Variants in HAUS6 observed in about 807,000 individuals in gnomAD.
HAUS6 encodes HAUS augmin like complex subunit 6.
HAUS6 carries 80 observed loss-of-function variants against 106.8 expected under a neutral mutation model. The observed-to-expected ratio is 0.75, with a 90% CI of 0.63 to 0.90. The LOEUF (loss-of-function observed/expected upper bound fraction) is 0.90. HAUS6 is among the 40% of genes least tolerant of loss of function. The pLI is 0.00. For synonymous variants in HAUS6, 356 were observed against 379.1 expected (o/e 0.94, Z 0.71); for missense variants, 1,155 against 1,118.1 (o/e 1.03, Z -0.47).
intron 5 of HAUS6, among the ~76,000 whole-genome samples, chr9:19,087,555 A>G (rs1837326522): frequency 6.6e-6 from 1 of 152,174 alleles, no homozygotes; most frequent in African/African-American, 2.4e-5. Context: ...ACTGTTTACA[A>G]TTGCAAAAAA....
At chr9:19,083,984 C>T (rs942172277) in intron 7 of HAUS6, among the ~76,000 whole-genome samples, 1 of 149,036 alleles carries the variant, frequency 6.7e-6, no homozygotes, top group African/African-American at 2.5e-5. Context: ...CGCACAGTGG[C>T]GCATACCTGT....
chr9:19,091,376 T>C (rs900021562), intron 4 of HAUS6, among the ~76,000 whole-genome samples: 20 of 152,076 alleles, frequency 1.3e-4, no homozygotes, highest in African/African-American at 4.8e-4. Context: ...AGAAGTTATC[T>C]AGACTCTGAA....
At chr9:19,089,302 G>A in intron 5 of HAUS6, 110 bp downstream of exon 5, 1 of 679,386 alleles carries the variant, frequency 1.5e-6, no homozygotes, top group African/African-American at 1.8e-5. Flanking sequence ...AAAATAGAAA[G>A]ATAACCGCCA....
chr9:19,076,447 G>T (rs1837005916), intron 11 of HAUS6, among the ~76,000 whole-genome samples, 155 bp downstream of exon 11: 1 of 151,998 alleles, frequency 6.6e-6, no homozygotes, highest in Non-Finnish European at 1.5e-5. Context: ...TATATACTTT[G>T]CAATAACTGA....
intron 1 of HAUS6, among the ~76,000 whole-genome samples, chr9:19,101,058 T>C (rs1337034559): frequency 1.3e-5 from 2 of 152,214 alleles, no homozygotes; most frequent in African/African-American, 2.4e-5. Flanking sequence ...AAATAATTTA[T>C]TGTGTATTTT....
At chr9:19,062,150 TA>T (rs1836638216) in intron 14 of HAUS6, among the ~76,000 whole-genome samples, 3 of 152,192 alleles carry the variant, frequency 2.0e-5, no homozygotes, top group Admixed American at 2.0e-4. Flanking sequence ...CACTTACCAG[TA>T]AAAAGCAGAA....
At chr9:19,102,413 G>A (rs574066361) in intron 1 of HAUS6, 111 bp downstream of exon 1, 1 of 1,203,514 alleles carries the variant, frequency 8.3e-7, no homozygotes, top group Non-Finnish European at 1.2e-6. Context: ...CTGGCACAGA[G>A]TAACTGCTCA....
At chr9:19,074,276 G>A (rs545037204) in intron 11 of HAUS6, among the ~76,000 whole-genome samples, 24 of 152,162 alleles carry the variant, frequency 1.6e-4, no homozygotes, top group Admixed American at 1.4e-3. Flanking sequence ...AAGAAAAAGA[G>A]AAAGAAGAGA....
At position 19,061,011 on chromosome 9, in the gene HAUS6, A is replaced by T. The variant is rs1836603820; in HGVS notation, c.1630-788T>A. On this transcript the variant is annotated intron_variant, in intron 14 of 16. Coordinates refer to ENST00000380502, the MANE Select transcript of HAUS6 (RefSeq NM_017645.5). ...GAAACCCCATCTCTACTAAAAATAC[A>T]AAATTAGCTGGGCATGGTGGCGCAT... Among the ~76,000 whole-genome samples the T allele has an allele frequency of 2.0e-5, 3 of 152,194 alleles. No homozygotes were observed. The East Asian group carries it at 5.8e-4, about 29-fold the overall frequency.
At chr9:19,063,474 G>T in intron 13 of HAUS6, 40 bp downstream of exon 13, 1 of 959,856 alleles carries the variant, frequency 1.0e-6, no homozygotes, top group Non-Finnish European at 1.6e-6. Flanking sequence ...TTATAATTTA[G>T]TATGGTCCAG....
rs1817871473 is a variant in HAUS6 at position 19,096,658 on chromosome 9, A to AATTAT, written c.224+11_224+15dup. 1 of 1,132,920 alleles carries AATTAT rather than the reference A, an allele frequency of 8.8e-7. No homozygotes were observed. Among genetic ancestry groups the AATTAT allele is most frequent in the African/African-American group, 1.6e-5 (1 of 62,282 alleles). The allele number at this position is 1,132,920 out of a possible 1,614,324, so 70.2% of individuals were successfully genotyped here. On this transcript the variant is annotated intron_variant, in intron 2 of 16. Coordinates refer to ENST00000380502, the MANE Select transcript of HAUS6 (RefSeq NM_017645.5). The stretch of plus-strand genomic sequence containing the variant: ...TTTGGAAAGAAATTTAAGAAAATGA[A>AATTAT]ATTATTTTTCCTTACTTGAAAACTT...
intron 2 of HAUS6, 21 bp from the exon 3 acceptor site, chr9:19,094,416 C>G: frequency 6.9e-7 from 1 of 1,454,546 alleles, no homozygotes; most frequent in Non-Finnish European, 9.6e-7. Flanking sequence ...AAAATAAAAG[C>G]GTAAGGACTA....
chr9:19,072,468 G>A (rs1251100186), intron 11 of HAUS6, among the ~76,000 whole-genome samples: 3 of 151,492 alleles, frequency 2.0e-5, no homozygotes, highest in African/African-American at 7.3e-5. Context: ...AGCTGAGATT[G>A]TGCCACTACA....
chr9:19,089,973 C>T (rs910904234), intron 4 of HAUS6, among the ~76,000 whole-genome samples: 7 of 152,044 alleles, frequency 4.6e-5, no homozygotes, highest in Admixed American at 2.6e-4. Flanking sequence ...GCTGAGACTA[C>T]AAGCACGCAC....
In HAUS6 at chr9:19,075,713, G is replaced by A. The variant is rs576500009; in HGVS notation, c.1294+889C>T. Among the ~76,000 whole-genome samples, 6 of 152,268 alleles carry A rather than the reference G, an allele frequency of 3.9e-5. No individual in the cohort carries two copies. The East Asian group carries it at 1.2e-3, about 29-fold the overall frequency. ...TCACACCTATAATCCCAGCACTTTG[G>A]GAGGCCAAGGCGGGCGGATCATTCG... On this transcript the variant is annotated intron_variant, in intron 11 of 16. Coordinates refer to ENST00000380502, the MANE Select transcript of HAUS6 (RefSeq NM_017645.5).
At chr9:19,068,962 G>A (rs1044733711) in intron 12 of HAUS6, among the ~76,000 whole-genome samples, 3 of 152,102 alleles carry the variant, frequency 2.0e-5, no homozygotes, top group Non-Finnish European at 4.4e-5. Flanking sequence ...AAATCTGGTG[G>A]TTATAGTAAA....
chr9:19,062,115 C>G (rs904270508), intron 14 of HAUS6, among the ~76,000 whole-genome samples: 1 of 152,146 alleles, frequency 6.6e-6, no homozygotes, highest in African/African-American at 2.4e-5. Context: ...TTCTGTAATG[C>G]TGAGCAATGG....
rs552206440 is a variant in HAUS6, at chr9:19,091,256, C to T, written c.437-1697G>A. 2.6e-5 allele frequency among the ~76,000 whole-genome samples: 4 copies of T among 151,390 alleles called. No homozygotes were observed. In the South Asian group the frequency reaches 6.3e-4, roughly 24 times the overall value. On this transcript the variant is annotated intron_variant, in intron 4 of 16. Coordinates refer to ENST00000380502, the MANE Select transcript of HAUS6 (RefSeq NM_017645.5). ...TGGATGTTGCAGTAAGCCGAGATCG[C>T]GCCACCGCACTCCAGCTTGGGCAAC...
At chr9:19,090,397 C>G (rs1018236509) in intron 4 of HAUS6, among the ~76,000 whole-genome samples, 1 of 152,170 alleles carries the variant, frequency 6.6e-6, no homozygotes, top group Admixed American at 6.5e-5. Flanking sequence ...CGGAGTCTCC[C>G]TCAGTCACCC....
Sources: gnomAD v4.1 joint callset for allele counts (sites outside exome capture counted in the v4.1 genomes callset) on GRCh38, gnomAD v4.1.1 for gene constraint, MANE v1.5 for transcripts, NCBI Gene and HGNC (gene_info 2026-07-23, HGNC 2026-07-21) for gene names.